Variants in ZNF385D observed in about 807,000 individuals in gnomAD.
ZNF385D encodes the protein zinc finger protein 385D, also known as zinc finger protein 659.
In ZNF385D, 15 loss-of-function variants were observed where a neutral mutation model predicts 35.8. That is an observed-to-expected ratio of 0.42 (90% CI 0.28 to 0.64). The LOEUF (loss-of-function observed/expected upper bound fraction) is 0.64, where lower values mean the gene tolerates loss of function less well. ZNF385D is among the 30% of genes least tolerant of loss of function. The pLI, the probability that ZNF385D is intolerant of heterozygous loss-of-function variation, is 0.23. For synonymous variants in ZNF385D, 212 were observed against 186.8 expected, an observed-to-expected ratio of 1.13 and a Z score of -1.10; for missense variants, 474 against 494.6, an observed-to-expected ratio of 0.96 and a Z score of 0.39.
chr3:21,819,736 A>G (rs1344378063), intron 3 of ZNF385D, among the ~76,000 whole-genome samples: 2 of 136,896 alleles, frequency 1.5e-5, no homozygotes, highest in Non-Finnish European at 3.2e-5. Context: ...GTACGTGTGT[A>G]TATATACACA....
intron 3 of ZNF385D, among the ~76,000 whole-genome samples, chr3:21,514,604 G>A (rs114114908): frequency 1.3e-5 from 2 of 151,888 alleles, no homozygotes; most frequent in African/African-American, 2.4e-5. Flanking sequence ...GGCAGCCAAC[G>A]GTTCAAACCA....
intron 3 of ZNF385D, among the ~76,000 whole-genome samples, chr3:21,782,403 G>C (rs1405331002): frequency 1.3e-5 from 2 of 152,032 alleles, no homozygotes; most frequent in African/African-American, 4.8e-5. Context: ...AGGAAACTGA[G>C]GCATGGAGAG....
intron 3 of ZNF385D, among the ~76,000 whole-genome samples, chr3:21,969,545 C>A (rs572008762): frequency 6.6e-6 from 1 of 152,098 alleles, no homozygotes; most frequent in Non-Finnish European, 1.5e-5. Flanking sequence ...ATTAGGTAAA[C>A]GGACTAATTA....
chr3:21,737,016 T>C (rs1193612790), intron 1 of ZNF385D, among the ~76,000 whole-genome samples: 1 of 152,186 alleles, frequency 6.6e-6, no homozygotes, highest in Non-Finnish European at 1.5e-5. Flanking sequence ...CTCGGCTCAC[T>C]GCAACCTCTG....
intron 2 of ZNF385D, among the ~76,000 whole-genome samples, chr3:22,264,780 T>C (rs1576585788): frequency 6.6e-6 from 1 of 151,994 alleles, no homozygotes. Context: ...ATGAACTGCA[T>C]TGAAATAAAA....
chr3:21,939,172 T>G (rs916756731), intron 3 of ZNF385D, among the ~76,000 whole-genome samples: 3 of 152,198 alleles, frequency 2.0e-5, no homozygotes, highest in Admixed American at 1.3e-4. Flanking sequence ...GTCCCTATAT[T>G]TGCCCACTGA....
At chr3:21,987,777 T>TCCA (rs1209322837) in intron 3 of ZNF385D, among the ~76,000 whole-genome samples, 3 of 132,196 alleles carry the variant, frequency 2.3e-5, no homozygotes, top group Non-Finnish European at 4.7e-5. Context: ...CCAAGTTGGT[T>TCCA]CCATTCTCCC....
chr3:21,966,839 C>G (rs1702941950), intron 3 of ZNF385D, among the ~76,000 whole-genome samples: 1 of 152,202 alleles, frequency 6.6e-6, no homozygotes. Flanking sequence ...ACCTTGGCCT[C>G]CGAGGCCGAA....
In ZNF385D at chr3:21,995,790, T is replaced by TA; in HGVS notation, c.325+173026dup. 2.0e-5 allele frequency among the ~76,000 whole-genome samples: 3 copies of TA among 152,070 alleles called. No homozygotes were observed. In the South Asian group the frequency reaches 6.2e-4, roughly 32 times the overall value. On this transcript the variant is annotated intron_variant, in intron 3 of 5. Coordinates refer to the ZNF385D transcript ENST00000494108. ...GGCACATTCAGGGGCAAGGAGCCCCTACTGCTAGTTGGTAGGGAGAGTTTG... is the reference window on the plus strand; with the variant it reads ...GGCACATTCAGGGGCAAGGAGCCCCTAACTGCTAGTTGGTAGGGAGAGTTTG...
At chr3:21,559,870 T>A (rs1223541462) in intron 3 of ZNF385D, among the ~76,000 whole-genome samples, 1 of 152,196 alleles carries the variant, frequency 6.6e-6, no homozygotes, top group Non-Finnish European at 1.5e-5. Context: ...TTTTCATTCT[T>A]TTTTCTCTAA....
intron 3 of ZNF385D, among the ~76,000 whole-genome samples, chr3:22,094,409 T>TATAA (rs1322231844): frequency 1.2e-4 from 10 of 80,490 alleles, no homozygotes; most frequent in African/African-American, 3.6e-4. Context: ...TATATATATA[T>TATAA]AAAGGCATTT....
At chr3:21,566,035 T>G (rs900758412) in intron 2 of ZNF385D, among the ~76,000 whole-genome samples, 3 of 152,214 alleles carry the variant, frequency 2.0e-5, no homozygotes. Flanking sequence ...CTGACTTCTT[T>G]GTATTCACAA....
At chr3:21,882,753 T>C (rs1698344245) in intron 3 of ZNF385D, among the ~76,000 whole-genome samples, 1 of 152,034 alleles carries the variant, frequency 6.6e-6, no homozygotes, top group African/African-American at 2.4e-5. Flanking sequence ...AGCTTTCAAT[T>C]TTCATTAGAC....
chr3:21,549,397 C>T (rs984214908), intron 3 of ZNF385D, among the ~76,000 whole-genome samples: 4 of 152,158 alleles, frequency 2.6e-5, no homozygotes, highest in Admixed American at 6.5e-5. Flanking sequence ...GTATTTTTTG[C>T]TCTGTCCTTC....
intron 4 of ZNF385D, among the ~76,000 whole-genome samples, chr3:21,505,959 T>C (rs1372763946): frequency 6.6e-6 from 1 of 152,136 alleles, no homozygotes; most frequent in Non-Finnish European, 1.5e-5. Flanking sequence ...TCCCTCGAAG[T>C]ACCTATTCTC....
chr3:22,153,464 C>CTTT (rs769926281), intron 3 of ZNF385D, among the ~76,000 whole-genome samples: 5,647 of 109,270 alleles, frequency 0.052, 206 homozygotes, highest in Non-Finnish European at 0.071. Flanking sequence ...TGAAATTCTT[C>CTTT]TTTTTTTTTT....
chr3:21,976,783 G>A (rs2125356744), intron 3 of ZNF385D, among the ~76,000 whole-genome samples: 1 of 152,268 alleles, frequency 6.6e-6, no homozygotes, highest in Non-Finnish European at 1.5e-5. Context: ...ATGAGGTCAG[G>A]AGTTCGAGAA....
intron 2 of ZNF385D, among the ~76,000 whole-genome samples, chr3:22,290,324 C>T (rs1208608043): frequency 5.9e-5 from 9 of 152,130 alleles, no homozygotes; most frequent in Admixed American, 5.9e-4. Context: ...CACCCAAAGA[C>T]AAAAGCCTCC....
intron 2 of ZNF385D, among the ~76,000 whole-genome samples, chr3:22,269,772 G>C (rs1701079657): frequency 6.6e-6 from 1 of 151,716 alleles, no homozygotes; most frequent in Non-Finnish European, 1.5e-5. Context: ...CCACCCTATA[G>C]AATCATTTTT....
Sources: allele counts gnomAD v4.1 joint callset (sites outside exome capture counted in the v4.1 genomes callset), GRCh38; gene constraint gnomAD v4.1.1; transcripts MANE v1.5; gene names NCBI Gene and HGNC (gene_info 2026-07-23, HGNC 2026-07-21).